The following FIG4 variants were observed in gnomAD, a reference collection of about 807,000 sequenced individuals.
FIG4 encodes the protein FIG4 phosphoinositide 5-phosphatase.
In FIG4, 112 loss-of-function variants were observed where a neutral mutation model predicts 118.6. That is an observed-to-expected ratio of 0.94 (90% CI 0.81 to 1.11). The LOEUF is 1.11. Ranked by LOEUF, FIG4 falls within the 50% of genes least tolerant of loss-of-function variation. The pLI is 0.00. For synonymous variants in FIG4, 369 were observed against 381.2 expected, an observed-to-expected ratio of 0.97 and a Z score of 0.37; for missense variants, 969 against 1,111.7, an observed-to-expected ratio of 0.87 and a Z score of 1.83.
intron 22 of FIG4, among the ~76,000 whole-genome samples, chr6:109,811,344 C>T (rs367627777): frequency 2.6e-5 from 4 of 152,172 alleles, no homozygotes; most frequent in South Asian, 2.1e-4. Flanking sequence ...ATCCATTACT[C>T]GAGTACTCAA....
At chr6:109,786,626 A>G (rs1410859459) in intron 18 of FIG4, among the ~76,000 whole-genome samples, 177 bp downstream of exon 18, 3 of 152,124 alleles carry the variant, frequency 2.0e-5, no homozygotes, top group Non-Finnish European at 1.5e-5. Context: ...AGCCCCTTCT[A>G]TTGTTCTATT....
intron 1 of FIG4, among the ~76,000 whole-genome samples, chr6:109,692,458 A>G (rs1240793315): frequency 6.6e-6 from 1 of 152,220 alleles, no homozygotes; most frequent in African/African-American, 2.4e-5. Context: ...ACGTAGTCCT[A>G]ATAGCACAAT....
Position 109,753,351 on chromosome 6 carries a change from T to G in FIG4, c.1138-6899T>G, listed in dbSNP as rs58228956. ...TGCTGTTTTGGTTACTGTAGCCTTG[T>G]AGTATAGTTTGAAGTCAGGTAGCGT... On this transcript the variant is annotated intron_variant, in intron 10 of 22. Coordinates refer to ENST00000230124, the MANE Select transcript of FIG4 (RefSeq NM_014845.6). 6.1e-3 allele frequency among the ~76,000 whole-genome samples: 929 copies of G among 152,098 alleles called. 14 individuals are homozygous for G. The highest frequency in any genetic ancestry group is 0.021 in the African/African-American group (884 of 41,486).
intron 22 of FIG4, among the ~76,000 whole-genome samples, chr6:109,799,162 A>C (rs1479741295): frequency 6.6e-6 from 1 of 152,204 alleles, no homozygotes; most frequent in Non-Finnish European, 1.5e-5. Flanking sequence ...TTTTTCTTAA[A>C]ATATTTAGTA....
chr6:109,695,839 G>C (rs753152429), intron 1 of FIG4, among the ~76,000 whole-genome samples: 1 of 152,194 alleles, frequency 6.6e-6, no homozygotes, highest in Non-Finnish European at 1.5e-5. Context: ...GCTGATCTGG[G>C]TGAAACAGCG....
At position 109,749,026 on chromosome 6, in the gene FIG4, A is replaced by G. The variant is rs116430070; in HGVS notation, c.1137+5254A>G. On this transcript the variant is annotated intron_variant, in intron 10 of 22. Transcript: ENST00000230124. The stretch of plus-strand genomic sequence containing the variant: ...GAGACAGTTCCTAGGAGAGGACTGT[A>G]TAACTACATGCATGGGCTCAAAGGA... 6.8e-3 allele frequency among the ~76,000 whole-genome samples: 1,028 copies of G among 151,034 alleles called. 13 individuals are homozygous for G. The highest frequency in any genetic ancestry group is 0.024 in the African/African-American group (995 of 41,042).
At chr6:109,816,770 CAAG>C (rs1167057002) in intron 22 of FIG4, among the ~76,000 whole-genome samples, 1 of 152,184 alleles carries the variant, frequency 6.6e-6, no homozygotes, top group Non-Finnish European at 1.5e-5. Context: ...ATGGAAGTCA[CAAG>C]AAGTGTAATG....
chr6:109,761,294 G>C (rs1331698607), intron 11 of FIG4, among the ~76,000 whole-genome samples: 2 of 151,892 alleles, frequency 1.3e-5, no homozygotes, highest in Non-Finnish European at 2.9e-5. Flanking sequence ...GGGTTCAAGC[G>C]ATTCTCCTGT....
In FIG4 at chr6:109,738,322, C is replaced by T. The variant is rs773096371; in HGVS notation, c.647-3C>T. 1 of 1,601,212 alleles carries T rather than the reference C, an allele frequency of 6.2e-7. No homozygotes were observed. The highest frequency in any genetic ancestry group is 8.6e-7 in the Non-Finnish European group (1 of 1,168,846). On this transcript the variant is annotated splice_region_variant and splice_polypyrimidine_tract_variant and intron_variant, in intron 6 of 22. Coordinates refer to ENST00000230124, the MANE Select transcript of FIG4 (RefSeq NM_014845.6). ...TGGACTGATACAGACTTTTATTTTT[C>T]AGGGGTATTTGGGATCTGTAGTGAG...
intron 21 of FIG4, among the ~76,000 whole-genome samples, chr6:109,795,744 G>A (rs986837774): frequency 6.6e-6 from 1 of 151,810 alleles, no homozygotes; most frequent in South Asian, 2.1e-4. Context: ...TCGGACTACA[G>A]GTGCATGCCA....
At position 109,692,646 on chromosome 6, in the gene FIG4, A is replaced by G. The variant is rs77317957; in HGVS notation, c.66+1145A>G. On this transcript the variant is annotated intron_variant, in intron 1 of 22. Coordinates refer to ENST00000230124, the MANE Select transcript of FIG4 (RefSeq NM_014845.6). ...ATCATTTGTCATTGAAATGAAACCT[A>G]TTTTCTGTAAAATATGCTGCTAAAT... Among the ~76,000 whole-genome samples, 173 of 152,136 alleles carry G rather than the reference A, an allele frequency of 1.1e-3. 1 individual carries two copies. The highest frequency in any genetic ancestry group is 3.9e-3 in the African/African-American group (163 of 41,486).
In FIG4 at chr6:109,784,956, T is replaced by G. The variant is rs1562682595; in HGVS notation, c.1890-14T>G. ...ACATTTGGTTCATCTTTTTTTTTAATTTTTATTTTATAGTTATACTTACTG... is the reference window on the plus strand; with the variant it reads ...ACATTTGGTTCATCTTTTTTTTTAAGTTTTATTTTATAGTTATACTTACTG... On this transcript the variant is annotated splice_polypyrimidine_tract_variant and intron_variant, in intron 16 of 22. Coordinates refer to ENST00000230124, the MANE Select transcript of FIG4 (RefSeq NM_014845.6). 3.5e-6 allele frequency: 5 copies of G among 1,431,162 alleles called. No individual in the cohort carries two copies. Among genetic ancestry groups the G allele is most frequent in the Non-Finnish European group, 4.8e-6 (5 of 1,037,650 alleles). The allele number at this position is 1,431,162 out of a possible 1,614,324, so 88.7% of individuals were successfully genotyped here.
chr6:109,788,347 A>G (rs932268999), intron 18 of FIG4, among the ~76,000 whole-genome samples: 9 of 152,244 alleles, frequency 5.9e-5, no homozygotes, highest in African/African-American at 1.7e-4. Flanking sequence ...TAGTAACACT[A>G]AACAGCTTCA....
intron 1 of FIG4, among the ~76,000 whole-genome samples, chr6:109,711,955 T>C (rs1775278459): frequency 6.6e-6 from 1 of 152,204 alleles, no homozygotes. Context: ...GCAGTTCTGG[T>C]GGTAACAAAT....
At chr6:109,728,469 A>G (rs2128384354) in intron 4 of FIG4, among the ~76,000 whole-genome samples, 1 of 152,308 alleles carries the variant, frequency 6.6e-6, no homozygotes, top group South Asian at 2.1e-4. Flanking sequence ...GAACAAAGAA[A>G]TATTTATAAG....
At chr6:109,694,140 A>G (rs1165778229) in intron 1 of FIG4, among the ~76,000 whole-genome samples, 2 of 151,968 alleles carry the variant, frequency 1.3e-5, no homozygotes, top group East Asian at 1.9e-4. Flanking sequence ...TTTAGTAAAG[A>G]AAAAAAATGA....
rs1779121708 is a variant in FIG4 at position 109,825,144 on chromosome 6, T to C, written c.2603T>C (p.Val868Ala). The change falls in exon 23 of 23, where the codon GTA becomes GCA. Residue 868 changes from valine to alanine, a missense_variant. This residue lies in a region of FIG4 where 330 missense variants were observed against 348.1 expected (regional missense o/e 0.95). Transcript: ENST00000230124. ...DNIYEVQPPRVDRKSTEIFQA... is the reference protein window; with the variant it reads ...DNIYEVQPPRADRKSTEIFQA... ...ATCTATGAAGTTCAGCCCCCAAGAG[T>C]AGACAGAAAATCTACAGAGATCTTC... The C allele has an allele frequency of 1.2e-6, 2 of 1,613,556 alleles. No homozygotes were observed. The highest frequency in any genetic ancestry group is 1.7e-6 in the Non-Finnish European group (2 of 1,179,836).
chr6:109,743,073 T>A, intron 8 of FIG4, 37 bp from the exon 9 acceptor site: 1 of 1,554,966 alleles, frequency 6.4e-7, no homozygotes, highest in Non-Finnish European at 8.9e-7. Context: ...ACATTTCTAA[T>A]AACATAAAAT....
At chr6:109,783,917 A>G (rs1020018711) in intron 16 of FIG4, among the ~76,000 whole-genome samples, 1 of 152,194 alleles carries the variant, frequency 6.6e-6, no homozygotes, top group Non-Finnish European at 1.5e-5. Context: ...TTTGCCCCAC[A>G]CAATTCATTA....
Sources: gnomAD v4.1 joint callset for allele counts (sites outside exome capture counted in the v4.1 genomes callset) on GRCh38, gnomAD v4.1.1 for gene constraint, gnomAD v4.1.1 regional missense constraint, MANE v1.5 for transcripts, NCBI Gene and HGNC (gene_info 2026-07-23, HGNC 2026-07-21) for gene names.